NAALADL2: variants seen among roughly 807,000 people sequenced by gnomAD.
NAALADL2 encodes the protein inactive N-acetylated-alpha-linked acidic dipeptidase-like protein 2.
In NAALADL2, 76 loss-of-function variants were observed where a neutral mutation model predicts 87.2. The ratio of observed to expected loss-of-function variants is 0.87; its 90% CI spans 0.72 to 1.05. NAALADL2 has a LOEUF of 1.05. Ranked by LOEUF, NAALADL2 falls within the 50% of genes least tolerant of loss-of-function variation. The pLI is 0.00. For missense variants in NAALADL2, 1,089 were observed against 945.8 expected (o/e 1.15, Z -1.99); for synonymous variants, 354 against 331.0 (o/e 1.07, Z -0.75).
chr3:174,758,925 T>A (rs1156316815), intron 3 of NAALADL2, among the ~76,000 whole-genome samples: 1 of 152,182 alleles, frequency 6.6e-6, no homozygotes, highest in Non-Finnish European at 1.5e-5. Context: ...ATCCAGACTG[T>A]TTTTTAAATC....
intron 1 of NAALADL2, among the ~76,000 whole-genome samples, chr3:174,502,984 C>T (rs982301968): frequency 6.6e-5 from 10 of 151,144 alleles, no homozygotes; most frequent in Non-Finnish European, 1.2e-4. Flanking sequence ...GCTGAGATCA[C>T]GCCACTGCAC....
intron 6 of NAALADL2, among the ~76,000 whole-genome samples, chr3:175,452,218 A>T (rs1351800465): frequency 8.0e-6 from 1 of 124,916 alleles, no homozygotes; most frequent in Non-Finnish European, 1.8e-5. Flanking sequence ...TCATTAAAGA[A>T]TGTCTTCAGA....
chr3:175,604,997 T>G lies in NAALADL2; in HGVS notation c.1801-22294T>G, dbSNP rs571837730. Among the ~76,000 whole-genome samples the G allele has an allele frequency of 3.3e-5, 5 of 152,330 alleles. No individual in the cohort carries two copies. The South Asian group carries it at 1.0e-3, about 32-fold the overall frequency. ...TAGACGGTATCACAGGTTCTGCTTA[T>G]TCATACTGAGTTGGAGCTAAGTACA... On this transcript the variant is annotated intron_variant, in intron 10 of 13. Transcript: ENST00000454872.
At chr3:175,236,393 C>T (rs1745869739) in intron 3 of NAALADL2, among the ~76,000 whole-genome samples, 1 of 151,426 alleles carries the variant, frequency 6.6e-6, no homozygotes. Flanking sequence ...TAAAAAAATA[C>T]AAAAAATTAA....
intron 1 of NAALADL2, among the ~76,000 whole-genome samples, chr3:174,500,059 AG>A (rs2108366342): frequency 6.6e-6 from 1 of 152,190 alleles, no homozygotes; most frequent in African/African-American, 2.4e-5. Flanking sequence ...CCTTGAAAAA[AG>A]GTGTGCCTCT....
intron 10 of NAALADL2, among the ~76,000 whole-genome samples, chr3:175,616,004 TATA>T (rs1725305062): frequency 6.8e-6 from 1 of 147,416 alleles, no homozygotes; most frequent in Non-Finnish European, 1.5e-5. Context: ...TATACATAAT[TATA>T]ATACATATTT....
intron 6 of NAALADL2, among the ~76,000 whole-genome samples, chr3:175,457,022 C>T (rs1022763116): frequency 6.6e-5 from 10 of 152,068 alleles, no homozygotes; most frequent in African/African-American, 2.4e-4. Context: ...AGTAATACTA[C>T]AGAGTGAGAC....
intron 2 of NAALADL2, among the ~76,000 whole-genome samples, chr3:174,721,467 C>A (rs535509202): frequency 6.6e-6 from 1 of 152,238 alleles, no homozygotes; most frequent in Admixed American, 6.5e-5. Flanking sequence ...GAGGCAAGAG[C>A]ACAGTGGACA....
intron 9 of NAALADL2, among the ~76,000 whole-genome samples, chr3:175,481,373 C>T (rs4626106): frequency 0.64 from 92,335 of 144,030 alleles, 30,037 homozygotes; most frequent in East Asian, 0.89. Flanking sequence ...GTGTATATAG[C>T]TGTGTCTACA....
At chr3:175,483,722 G>C (rs1264011464) in intron 9 of NAALADL2, among the ~76,000 whole-genome samples, 1 of 152,034 alleles carries the variant, frequency 6.6e-6, no homozygotes, top group Admixed American at 6.6e-5. Context: ...TTGAATGTGT[G>C]CTTGGGTGAT....
intron 1 of NAALADL2, among the ~76,000 whole-genome samples, chr3:175,089,235 T>C (rs1204866023): frequency 1.3e-5 from 2 of 152,154 alleles, no homozygotes; most frequent in African/African-American, 2.4e-5. Context: ...AGGATCCACA[T>C]AGGACCATTA....
chr3:175,371,607 C>G (rs569248007), intron 5 of NAALADL2, among the ~76,000 whole-genome samples: 3 of 151,892 alleles, frequency 2.0e-5, no homozygotes, highest in African/African-American at 4.8e-5. Flanking sequence ...GGTGGATCAC[C>G]TGAGGTCAGG....
intron 3 of NAALADL2, among the ~76,000 whole-genome samples, chr3:174,749,120 TGCCTA>T (rs565141037): frequency 0.014 from 2,194 of 152,310 alleles, 17 homozygotes; most frequent in Middle Eastern, 0.02. Flanking sequence ...TGTTCTACCA[TGCCTA>T]ATCCCAATTT....
intron 2 of NAALADL2, among the ~76,000 whole-genome samples, chr3:175,137,706 T>G (rs540319012): frequency 6.6e-6 from 1 of 151,994 alleles, no homozygotes; most frequent in Non-Finnish European, 1.5e-5. Context: ...TTCAAGTGAT[T>G]CTCCTGCCTC....
At chr3:175,802,876 TG>T (rs1373254496) in intron 13 of NAALADL2, 128 bp from the exon 14 acceptor site, 1 of 614,506 alleles carries the variant, frequency 1.6e-6, no homozygotes, top group African/African-American at 2.1e-5. Context: ...TGAAAAATCG[TG>T]ATATTATATT....
intron 10 of NAALADL2, among the ~76,000 whole-genome samples, chr3:175,592,843 A>T (rs1043105184): frequency 6.6e-6 from 1 of 151,930 alleles, no homozygotes; most frequent in Non-Finnish European, 1.5e-5. Context: ...TACATATGTA[A>T]CTAACCTGCA....
At chr3:175,396,387 A>G (rs1322139508) in intron 5 of NAALADL2, among the ~76,000 whole-genome samples, 2 of 152,164 alleles carry the variant, frequency 1.3e-5, no homozygotes, top group Non-Finnish European at 2.9e-5. Context: ...TCAATATTTG[A>G]TAAGTAATGT....
intron 2 of NAALADL2, among the ~76,000 whole-genome samples, chr3:175,111,786 A>G (rs1218055024): frequency 6.6e-6 from 1 of 151,546 alleles, no homozygotes; most frequent in Non-Finnish European, 1.5e-5. Flanking sequence ...TTCCACATAT[A>G]TTCATATTCC....
chr3:175,065,999 CG>C (rs1197704896), intron 1 of NAALADL2, among the ~76,000 whole-genome samples: 2 of 152,104 alleles, frequency 1.3e-5, no homozygotes, highest in Non-Finnish European at 2.9e-5. Context: ...GGATGTATAA[CG>C]GGAACAGTGT....
Sources: gnomAD v4.1 joint callset for allele counts (sites outside exome capture counted in the v4.1 genomes callset) on GRCh38, gnomAD v4.1.1 for gene constraint, MANE v1.5 for transcripts, NCBI Gene and HGNC (gene_info 2026-07-23, HGNC 2026-07-21) for gene names.